The following SLC24A2 variants were observed in gnomAD, a reference collection of about 807,000 sequenced individuals.
The protein encoded by SLC24A2 is sodium/potassium/calcium exchanger 2.
A neutral mutation model predicts 62.0 loss-of-function variants in SLC24A2; 36 were observed. The ratio of observed to expected loss-of-function variants is 0.58; its 90% CI spans 0.44 to 0.77. SLC24A2 has a LOEUF of 0.77. Ranked by LOEUF, SLC24A2 falls within the 30% of genes least tolerant of loss-of-function variation. The pLI is 0.00. For missense variants in SLC24A2, 846 were observed against 817.9 expected, an observed-to-expected ratio of 1.03 and a Z score of -0.42; for synonymous variants, 358 against 294.0, an observed-to-expected ratio of 1.22 and a Z score of -2.23.
chr9:19,837,803 G>A, the SLC24A2 span, among the ~76,000 whole-genome samples: 1 of 151,864 alleles, frequency 6.6e-6, no homozygotes, highest in Non-Finnish European at 1.5e-5. Context: ...AATCATGAGT[G>A]AACTCCCATT....
At position 19,703,760 on chromosome 9, in the gene SLC24A2, A is replaced by G. The variant is rs1587182071; in HGVS notation, c.931-81461T>C. Among the ~76,000 whole-genome samples, 3 of 152,304 alleles carry G rather than the reference A, an allele frequency of 2.0e-5. No individual in the cohort carries two copies. The South Asian group carries it at 6.2e-4, about 32-fold the overall frequency. ...CTTGGTTCACTGCAGATAGGGGAAAATGCACATATATGACAGGAAGTACTA... is the reference window on the plus strand; with the variant it reads ...CTTGGTTCACTGCAGATAGGGGAAAGTGCACATATATGACAGGAAGTACTA... On this transcript the variant is annotated intron_variant, in intron 2 of 10. Transcript: ENST00000341998.
At chr9:19,987,248 G>A in the SLC24A2 span, among the ~76,000 whole-genome samples, 1 of 152,030 alleles carries the variant, frequency 6.6e-6, no homozygotes, top group African/African-American at 2.4e-5. Flanking sequence ...TCTCACTGTC[G>A]GGTGGACCTC....
At chr9:19,530,451 G>C (rs551100245) in intron 8 of SLC24A2, among the ~76,000 whole-genome samples, 63 of 152,230 alleles carry the variant, frequency 4.1e-4, no homozygotes, top group Admixed American at 1.4e-3. Context: ...TCGTTTTCCA[G>C]GTTAGCTCAT....
chr9:19,850,965 A>G, the SLC24A2 span, among the ~76,000 whole-genome samples: 3 of 49,720 alleles, frequency 6.0e-5, no homozygotes, highest in South Asian at 1.2e-3. Context: ...ATATATATAT[A>G]TGTATATATA....
the SLC24A2 span, among the ~76,000 whole-genome samples, chr9:20,286,480 A>G: frequency 6.6e-6 from 1 of 152,240 alleles, no homozygotes; most frequent in African/African-American, 2.4e-5. Context: ...GATGATGAGC[A>G]AAAGGCACAG....
chr9:19,640,312 G>C (rs900591587), intron 2 of SLC24A2, among the ~76,000 whole-genome samples: 1 of 152,186 alleles, frequency 6.6e-6, no homozygotes, highest in African/African-American at 2.4e-5. Context: ...TGGAAAATAA[G>C]TTGAATCTTT....
intron 2 of SLC24A2, among the ~76,000 whole-genome samples, chr9:19,766,276 C>T (rs1412304981): frequency 6.6e-6 from 1 of 152,142 alleles, no homozygotes; most frequent in Non-Finnish European, 1.5e-5. Flanking sequence ...TGTTATTACC[C>T]ACTTTCTGAA....
At chr9:19,624,298 C>A (rs919991784) in intron 2 of SLC24A2, among the ~76,000 whole-genome samples, 4 of 152,168 alleles carry the variant, frequency 2.6e-5, no homozygotes, top group African/African-American at 9.6e-5. Flanking sequence ...GGAATTGATA[C>A]CACAGTGTTG....
the SLC24A2 span, among the ~76,000 whole-genome samples, chr9:20,305,646 A>G: frequency 1.3e-5 from 2 of 152,180 alleles, no homozygotes; most frequent in Non-Finnish European, 2.9e-5. Flanking sequence ...AGTATTTCAC[A>G]TACGTCAGCA....
intron 2 of SLC24A2, among the ~76,000 whole-genome samples, chr9:19,634,982 C>G (rs1052450900): frequency 6.6e-6 from 1 of 152,102 alleles, no homozygotes; most frequent in African/African-American, 2.4e-5. Flanking sequence ...TGGAGATTCA[C>G]CCTTAAAATA....
intron 4 of SLC24A2, among the ~76,000 whole-genome samples, chr9:19,612,342 G>C (rs569484103): frequency 3.3e-5 from 5 of 152,228 alleles, no homozygotes; most frequent in African/African-American, 9.6e-5. Context: ...ATTTGTTTTA[G>C]TTTCCTTTTT....
the SLC24A2 span, among the ~76,000 whole-genome samples, chr9:20,268,665 A>C: frequency 1.3e-5 from 2 of 152,226 alleles, no homozygotes; most frequent in Middle Eastern, 3.2e-3. Context: ...AATAAATTAT[A>C]TAGCCCAGTT....
the SLC24A2 span, among the ~76,000 whole-genome samples, chr9:20,184,572 A>T: frequency 1.3e-5 from 2 of 152,116 alleles, no homozygotes; most frequent in African/African-American, 2.4e-5. Context: ...AAACAACAAA[A>T]ACAAAATAAA....
chr9:20,124,872 GATTC>G, the SLC24A2 span, among the ~76,000 whole-genome samples: 2 of 152,170 alleles, frequency 1.3e-5, no homozygotes, highest in African/African-American at 4.8e-5. Context: ...CCCAAGGGAA[GATTC>G]ATTTATTGAA....
the SLC24A2 span, among the ~76,000 whole-genome samples, chr9:19,990,945 ATGTATGTAT>A: frequency 2.4e-5 from 3 of 125,560 alleles, no homozygotes; most frequent in East Asian, 2.0e-4. Flanking sequence ...ATGTATGTAT[ATGTATGTAT>A]TATATATACT....
At chr9:19,744,485 T>C (rs559979042) in intron 2 of SLC24A2, among the ~76,000 whole-genome samples, 4 of 152,170 alleles carry the variant, frequency 2.6e-5, no homozygotes, top group Admixed American at 2.6e-4. Flanking sequence ...AGAGGACTGG[T>C]GAGTCATCAA....
intron 2 of SLC24A2, among the ~76,000 whole-genome samples, chr9:19,731,911 T>C (rs1319818687): frequency 1.3e-5 from 2 of 152,134 alleles, no homozygotes; most frequent in Non-Finnish European, 2.9e-5. Flanking sequence ...TGTGAGCCAG[T>C]TTGTCCAACC....
the SLC24A2 span, among the ~76,000 whole-genome samples, chr9:20,257,886 A>C: frequency 1.3e-5 from 2 of 152,204 alleles, no homozygotes; most frequent in Non-Finnish European, 2.9e-5. Context: ...AGTGTTTTCC[A>C]TGACACTGGC....
At chr9:20,236,586 G>A in the SLC24A2 span, among the ~76,000 whole-genome samples, 27,001 of 152,116 alleles carry the variant, frequency 0.18, 3,432 homozygotes, top group African/African-American at 0.36. Flanking sequence ...GAGACATACT[G>A]AGCAGGTTGG....
Sources: gnomAD v4.1 joint callset for allele counts (sites outside exome capture counted in the v4.1 genomes callset) on GRCh38, gnomAD v4.1.1 for gene constraint, MANE v1.5 for transcripts, NCBI Gene and HGNC (gene_info 2026-07-23, HGNC 2026-07-21) for gene names.